ERVH48-1: variants seen among roughly 807,000 people sequenced by gnomAD.
ERVH48-1 encodes the protein endogenous retrovirus group 48 member 1, envelope.
In ERVH48-1, 4 loss-of-function variants were observed where a neutral mutation model predicts 2.4. The observed-to-expected ratio is 1.68, with a 90% CI of 0.83 to 3.84. The LOEUF is 3.84. Ranked by LOEUF, ERVH48-1 falls within the 30% of genes most tolerant of loss-of-function variation. The pLI is 0.01. For synonymous variants in ERVH48-1, 32 were observed against 15.5 expected (o/e 2.06, Z -2.49); for missense variants, 97 against 43.4 (o/e 2.23, Z -3.47).
Position 42,919,088 on chromosome 21 carries a change from T to C in ERVH48-1, c.-82A>G. The C allele has an allele frequency of 8.3e-7, 1 of 1,206,074 alleles. No individual in the cohort carries two copies. The highest frequency in any genetic ancestry group is 1.1e-6 in the Non-Finnish European group (1 of 947,408). The allele number at this position is 1,206,074 out of a possible 1,614,324, so 74.7% of individuals were successfully genotyped here. ...GTTAATTTAAACTTGGTAGGAGAAATTGGCCCAGACAAACACTTAGCTGTT... is the reference window on the plus strand; with the variant it reads ...GTTAATTTAAACTTGGTAGGAGAAACTGGCCCAGACAAACACTTAGCTGTT... On this transcript the variant is annotated 5_prime_UTR_variant, in exon 2 of 2. Coordinates refer to ENST00000447535, the MANE Select transcript of ERVH48-1 (RefSeq NM_001308491.2).
chr21:42,918,103 G>T lies in ERVH48-1; in HGVS notation c.*421C>A. ...TGCGGCATAAGGGTTAGTGGTGTTC[G>T]TACAGTACCAGGCCTTTTTTGACAA... On this transcript the variant is annotated 3_prime_UTR_variant, in exon 2 of 2. Coordinates refer to ENST00000447535, the MANE Select transcript of ERVH48-1 (RefSeq NM_001308491.2). 5.0e-6 allele frequency: 1 copy of T among 201,882 alleles called. No homozygotes were observed. Among genetic ancestry groups the T allele is most frequent in the African/African-American group, 2.3e-5 (1 of 42,660 alleles). 12.5% of individuals were successfully genotyped at this position (201,882 alleles called of 1,614,324 possible). A position where few individuals can be genotyped will look rare whatever the true frequency, so the allele number is the denominator to read the frequency against.
chr21:42,925,048 C>T (rs553748166), intron 1 of ERVH48-1, among the ~76,000 whole-genome samples: 4 of 151,808 alleles, frequency 2.6e-5, no homozygotes, highest in South Asian at 4.2e-4. Flanking sequence ...CGGGTTCAAG[C>T]GATCCTCCTG....
In ERVH48-1 at chr21:42,918,428, C is replaced by A; in HGVS notation, c.*96G>T. 5.2e-6 allele frequency: 2 copies of A among 381,526 alleles called. No individual in the cohort carries two copies. Among genetic ancestry groups the A allele is most frequent in the South Asian group, 4.0e-5 (2 of 50,232 alleles). The allele number at this position is 381,526 out of a possible 1,614,324, so 23.6% of individuals were successfully genotyped here. A position where few individuals can be genotyped will look rare whatever the true frequency, so the allele number is the denominator to read the frequency against. The stretch of plus-strand genomic sequence containing the variant: ...CCACTGTTCACTCATAAAGCTCCCC[C>A]GCATACCCAACAATTGGACACATTC... On this transcript the variant is annotated 3_prime_UTR_variant, in exon 2 of 2. Coordinates refer to ENST00000447535, the MANE Select transcript of ERVH48-1 (RefSeq NM_001308491.2).
intron 1 of ERVH48-1, among the ~76,000 whole-genome samples, chr21:42,925,055 C>G (rs578244069): frequency 2.0e-5 from 3 of 152,090 alleles, no homozygotes; most frequent in African/African-American, 7.2e-5. Context: ...AAGCGATCCT[C>G]CTGCCTCAGC....
chr21:42,922,602 T>C (rs1357702277), intron 1 of ERVH48-1, among the ~76,000 whole-genome samples: 2 of 151,290 alleles, frequency 1.3e-5, no homozygotes, highest in Non-Finnish European at 3.0e-5. Context: ...TAGCTCGGCA[T>C]AGTGGCGGGC....
Position 42,918,465 on chromosome 21 carries a change from A to G in ERVH48-1, c.*59T>C. On this transcript the variant is annotated 3_prime_UTR_variant, in exon 2 of 2. Transcript: ENST00000447535. ...AATTGGACACATTCATGGTAAGCACAATGGTTCTCCTAGATCTACAAACAG... is the reference window on the plus strand; with the variant it reads ...AATTGGACACATTCATGGTAAGCACGATGGTTCTCCTAGATCTACAAACAG... 3 of 415,390 alleles carry G rather than the reference A, an allele frequency of 7.2e-6. No homozygotes were observed. The highest frequency in any genetic ancestry group is 3.6e-5 in the South Asian group (2 of 55,934). 25.7% of individuals were successfully genotyped at this position (415,390 alleles called of 1,614,324 possible). A position where few individuals can be genotyped will look rare whatever the true frequency, so the allele number is the denominator to read the frequency against.
At position 42,918,457 on chromosome 21, in the gene ERVH48-1, G is replaced by A; in HGVS notation, c.*67C>T. 2 of 404,650 alleles carry A rather than the reference G, an allele frequency of 4.9e-6. No individual in the cohort carries two copies. Among genetic ancestry groups the A allele is most frequent in the South Asian group, 3.7e-5 (2 of 53,832 alleles). The allele number at this position is 404,650 out of a possible 1,614,324, so 25.1% of individuals were successfully genotyped here. A position where few individuals can be genotyped will look rare whatever the true frequency, so the allele number is the denominator to read the frequency against. On this transcript the variant is annotated 3_prime_UTR_variant, in exon 2 of 2. Transcript: ENST00000447535. ...TACCCAACAATTGGACACATTCATG[G>A]TAAGCACAATGGTTCTCCTAGATCT...
intron 1 of ERVH48-1, among the ~76,000 whole-genome samples, chr21:42,921,424 G>A (rs1054825872): frequency 1.1e-4 from 16 of 152,036 alleles, no homozygotes; most frequent in African/African-American, 3.9e-4. Context: ...TTGCGGAGGC[G>A]GGAGGGACTG....
In ERVH48-1 at chr21:42,919,268, T is replaced by G. The variant is rs2187247; in HGVS notation, c.-262A>C. On this transcript the variant is annotated 5_prime_UTR_variant, in exon 2 of 2. Transcript: ENST00000447535. Reference sequence around the variant, plus strand: ...GGTGGTAGCTTTTTGTGAGGGTCAGTTTGGCCGATAAACACGTCTGTGCCT... The same window carrying G: ...GGTGGTAGCTTTTTGTGAGGGTCAGGTTGGCCGATAAACACGTCTGTGCCT... The G allele has an allele frequency of 0.55, 144,294 of 262,970 alleles. 42,940 individuals are homozygous for G. Among genetic ancestry groups the G allele is most frequent in the African/African-American group, 0.82 (37,155 of 45,300 alleles). The allele number at this position is 262,970 out of a possible 1,614,324, so 16.3% of individuals were successfully genotyped here. A position where few individuals can be genotyped will look rare whatever the true frequency, so the allele number is the denominator to read the frequency against.
Position 42,919,186 on chromosome 21 carries a change from C to T in ERVH48-1, c.-180G>A, listed in dbSNP as rs12626216. 0.079 allele frequency: 48,969 copies of T among 616,436 alleles called. 1,993 individuals are homozygous for T. Among genetic ancestry groups the T allele is most frequent in the East Asian group, 0.13 (1,924 of 14,534 alleles). The allele number at this position is 616,436 out of a possible 1,614,324, so 38.2% of individuals were successfully genotyped here. A position where few individuals can be genotyped will look rare whatever the true frequency, so the allele number is the denominator to read the frequency against. On this transcript the variant is annotated 5_prime_UTR_variant, in exon 2 of 2. Coordinates refer to ENST00000447535, the MANE Select transcript of ERVH48-1 (RefSeq NM_001308491.2). ...GCGATGGATCCAGTTGGGGAGTCCTCGGACTCTCACTGCAGTTGGTGTGCT... is the reference window on the plus strand; with the variant it reads ...GCGATGGATCCAGTTGGGGAGTCCTTGGACTCTCACTGCAGTTGGTGTGCT...
intron 1 of ERVH48-1, among the ~76,000 whole-genome samples, chr21:42,921,060 T>G (rs895309225): frequency 3.9e-5 from 6 of 152,096 alleles, no homozygotes; most frequent in African/African-American, 7.2e-5. Flanking sequence ...CCACCAGTGC[T>G]TGGAAGCAAG....
intron 1 of ERVH48-1, 42 bp downstream of exon 1, chr21:42,925,304 G>T (rs976197665): frequency 8.2e-6 from 3 of 367,026 alleles, no homozygotes; most frequent in South Asian, 2.6e-5. Context: ...AAGAGAGGCC[G>T]TGCGGATTTT....
intron 1 of ERVH48-1, among the ~76,000 whole-genome samples, chr21:42,922,122 C>T (rs2058807695): frequency 1.3e-5 from 2 of 151,968 alleles, no homozygotes; most frequent in East Asian, 1.9e-4. Context: ...TATAGGCCTA[C>T]AAGAGCTGCT....
intron 1 of ERVH48-1, among the ~76,000 whole-genome samples, chr21:42,923,021 G>A (rs1246208011): frequency 6.6e-6 from 1 of 152,266 alleles, no homozygotes; most frequent in East Asian, 1.9e-4. Flanking sequence ...GGCACTGTCA[G>A]TCTTCAGCGG....
intron 1 of ERVH48-1, among the ~76,000 whole-genome samples, chr21:42,919,789 C>A (rs1265508616): frequency 6.6e-6 from 1 of 152,158 alleles, no homozygotes; most frequent in East Asian, 1.9e-4. Flanking sequence ...ATGATATTTG[C>A]ACCTTCTGAA....
At chr21:42,922,142 G>A (rs990747192) in intron 1 of ERVH48-1, among the ~76,000 whole-genome samples, 8 of 152,130 alleles carry the variant, frequency 5.3e-5, no homozygotes, top group Non-Finnish European at 8.8e-5. Flanking sequence ...TTAGGGGATT[G>A]GATACTGCTT....
In ERVH48-1 at chr21:42,917,990, T is replaced by A. The variant is rs1270521805; in HGVS notation, c.*534A>T. ...TAAGGTAGCTGTGAGTAAGCCTGGG[T>A]TCCCCATATCCACAGGAATCCGTCA... On this transcript the variant is annotated 3_prime_UTR_variant, in exon 2 of 2. Transcript: ENST00000447535. 1.3e-5 allele frequency: 2 copies of A among 152,786 alleles called. No individual in the cohort carries two copies. The highest frequency in any genetic ancestry group is 2.9e-5 in the Non-Finnish European group (2 of 68,502). The allele number at this position is 152,786 out of a possible 1,614,324, so 9.5% of individuals were successfully genotyped here. A position where few individuals can be genotyped will look rare whatever the true frequency, so the allele number is the denominator to read the frequency against.
intron 1 of ERVH48-1, among the ~76,000 whole-genome samples, chr21:42,921,549 C>A (rs779984904): frequency 6.6e-6 from 1 of 151,952 alleles, no homozygotes; most frequent in African/African-American, 2.4e-5. Flanking sequence ...CCTGATACCC[C>A]CACTCTGCCA....
chr21:42,924,944 T>C (rs1398157334), intron 1 of ERVH48-1, among the ~76,000 whole-genome samples: 3 of 128,740 alleles, frequency 2.3e-5, no homozygotes, highest in African/African-American at 1.0e-4. Flanking sequence ...GCACACACCT[T>C]AGCATTTTTT....
Sources: allele counts gnomAD v4.1 joint callset (sites outside exome capture counted in the v4.1 genomes callset), GRCh38; gene constraint gnomAD v4.1.1; transcripts MANE v1.5; gene names NCBI Gene and HGNC (gene_info 2026-07-23, HGNC 2026-07-21).